ATXN10: variants seen among roughly 807,000 people sequenced by gnomAD.
ATXN10 encodes the protein ataxin-10.
A neutral mutation model predicts 52.9 loss-of-function variants in ATXN10; 28 were observed. The observed-to-expected ratio is 0.53, with a 90% CI of 0.39 to 0.73. The LOEUF (loss-of-function observed/expected upper bound fraction) is 0.73, where lower values mean the gene tolerates loss of function less well. Ranked by LOEUF, ATXN10 falls within the 30% of genes least tolerant of loss-of-function variation. The pLI is 0.00. For missense variants in ATXN10, 565 were observed against 577.0 expected (o/e 0.98, Z 0.21); for synonymous variants, 226 against 221.5 (o/e 1.02, Z -0.18).
At chr22:45,807,986 G>A (rs1369763563) in intron 10 of ATXN10, among the ~76,000 whole-genome samples, 1 of 152,224 alleles carries the variant, frequency 6.6e-6, no homozygotes, top group African/African-American at 2.4e-5. Flanking sequence ...AGTAGACTGA[G>A]CGATGCTTAT....
chr22:45,833,630 A>G lies in ATXN10; in HGVS notation c.1238-9361A>G, dbSNP rs1011236907. 1.3e-5 allele frequency among the ~76,000 whole-genome samples: 2 copies of G among 152,190 alleles called. No individual in the cohort carries two copies. The highest frequency in any genetic ancestry group is 1.5e-5 in the Non-Finnish European group (1 of 68,028). ...AATTGTTAGCTTATTAGCTAGTTCT[A>G]AAGGTATTTTGCAGAGATAGTTACT... On this transcript the variant is annotated intron_variant, in intron 10 of 11. Transcript: ENST00000252934. This position sits in a 1 kb window ranked among gnomAD's most constrained non-coding sequence, Gnocchi z 4.3.
intron 9 of ATXN10, among the ~76,000 whole-genome samples, chr22:45,778,858 T>G (rs1927049510): frequency 6.6e-6 from 1 of 152,126 alleles, no homozygotes; most frequent in South Asian, 2.1e-4. Flanking sequence ...ATTTTGATAA[T>G]TAATTAATTT....
At chr22:45,676,380 C>T (rs1601582956) in intron 1 of ATXN10, 1 of 152,008 alleles carries the variant, frequency 6.6e-6, no homozygotes, top group Non-Finnish European at 1.5e-5. Flanking sequence ...TCCATCTGTG[C>T]TGTTCATTAA....
intron 3 of ATXN10, among the ~76,000 whole-genome samples, chr22:45,693,939 A>G (rs1025933984): frequency 2.0e-5 from 3 of 152,224 alleles, no homozygotes; most frequent in East Asian, 1.9e-4. Context: ...TGTTTAAGCC[A>G]TTCAGTCTGT....
At chr22:45,832,566 G>A (rs1272006124) in intron 10 of ATXN10, among the ~76,000 whole-genome samples, 1 of 152,298 alleles carries the variant, frequency 6.6e-6, no homozygotes, top group Non-Finnish European at 1.5e-5. Flanking sequence ...GAATGTAAAC[G>A]CCCCAAGGGC....
At chr22:45,725,862 T>C (rs1302297562) in intron 6 of ATXN10, among the ~76,000 whole-genome samples, 1 of 152,134 alleles carries the variant, frequency 6.6e-6, no homozygotes, top group East Asian at 1.9e-4. Context: ...ATTTTTATCA[T>C]AAAGGGATGC....
In ATXN10 at chr22:45,677,681, A is replaced by G. The variant is rs1486163826; in HGVS notation, c.116+5502A>G. ...TGGGCAAAATCTGTGCTTTACAAAGAAAAATAAAGGCCAATAAGCGTATGA... is the reference window on the plus strand; with the variant it reads ...TGGGCAAAATCTGTGCTTTACAAAGGAAAATAAAGGCCAATAAGCGTATGA... On this transcript the variant is annotated intron_variant, in intron 1 of 11. Coordinates refer to ENST00000252934, the MANE Select transcript of ATXN10 (RefSeq NM_013236.4). The surrounding 1 kb of genome is among the most constrained non-coding windows in gnomAD (Gnocchi z 4.1). 6.6e-6 allele frequency: 1 copy of G among 152,238 alleles called. No individual in the cohort carries two copies. Among genetic ancestry groups the G allele is most frequent in the East Asian group, 1.9e-4 (1 of 5,206 alleles). 9.4% of individuals were successfully genotyped at this position (152,238 alleles called of 1,614,324 possible).
Position 45,732,552 on chromosome 22 carries a change from G to A in ATXN10, c.894+2962G>A, listed in dbSNP as rs953179655. ...TGAGCTATACATTTATGACTTGTGC[G>A]TATTAATGCACATATGTCATACTTT... On this transcript the variant is annotated intron_variant, in intron 7 of 11. Transcript: ENST00000252934. The surrounding 1 kb of genome is among the most constrained non-coding windows in gnomAD (Gnocchi z 4.5). 2.6e-5 allele frequency among the ~76,000 whole-genome samples: 4 copies of A among 151,550 alleles called. No individual in the cohort carries two copies. Among genetic ancestry groups the A allele is most frequent in the African/African-American group, 7.3e-5 (3 of 41,246 alleles).
At position 45,701,051 on chromosome 22, in the gene ATXN10, C is replaced by T. The variant is rs1418091426; in HGVS notation, c.488+673C>T. ...TGAGCAGGGAATAGAGTCAGTATAC[C>T]TAGTAGGAAAGGCACAGTCTGGGAG... On this transcript the variant is annotated intron_variant, in intron 4 of 11. Coordinates refer to ENST00000252934, the MANE Select transcript of ATXN10 (RefSeq NM_013236.4). The surrounding 1 kb of genome is among the most constrained non-coding windows in gnomAD (Gnocchi z 4.2). 6.6e-6 allele frequency among the ~76,000 whole-genome samples: 1 copy of T among 152,056 alleles called. No homozygotes were observed. Among genetic ancestry groups the T allele is most frequent in the Admixed American group, 6.6e-5 (1 of 15,266 alleles).
rs1454121522 is a variant in ATXN10 at position 45,712,681 on chromosome 22, C to T, written c.648-5732C>T. Among the ~76,000 whole-genome samples, 3 of 152,154 alleles carry T rather than the reference C, an allele frequency of 2.0e-5. No homozygotes were observed. The highest frequency in any genetic ancestry group is 4.4e-5 in the Non-Finnish European group (3 of 68,034). On this transcript the variant is annotated intron_variant, in intron 5 of 11. Coordinates refer to ENST00000252934, the MANE Select transcript of ATXN10 (RefSeq NM_013236.4). This position sits in a 1 kb window ranked among gnomAD's most constrained non-coding sequence, Gnocchi z 4.6. Reference sequence around the variant, plus strand: ...CCTGGCACATGTAGATTCAGGAAATCTATTTATATATTTTTCAGATTATAA... The same window carrying T: ...CCTGGCACATGTAGATTCAGGAAATTTATTTATATATTTTTCAGATTATAA...
Position 45,684,873 on chromosome 22 carries a change from A to G in ATXN10, c.117-4839A>G, listed in dbSNP as rs776811578. Among the ~76,000 whole-genome samples the G allele has an allele frequency of 6.6e-6, 1 of 152,174 alleles. No homozygotes were observed. Among genetic ancestry groups the G allele is most frequent in the African/African-American group, 2.4e-5 (1 of 41,436 alleles). On this transcript the variant is annotated intron_variant, in intron 1 of 11. Transcript: ENST00000252934. This position sits in a 1 kb window ranked among gnomAD's most constrained non-coding sequence, Gnocchi z 4.1. ...TGTTTTTATTTTCTGTTTTTGTTCAATCCTGCCCAGTCAAATCAGCAAGAT... is the reference window on the plus strand; with the variant it reads ...TGTTTTTATTTTCTGTTTTTGTTCAGTCCTGCCCAGTCAAATCAGCAAGAT...
At position 45,781,901 on chromosome 22, in the gene ATXN10, G is replaced by A. The variant is rs1239601603; in HGVS notation, c.1174-25058G>A. Among the ~76,000 whole-genome samples the A allele has an allele frequency of 1.3e-5, 2 of 152,140 alleles. No homozygotes were observed. Among genetic ancestry groups the A allele is most frequent in the East Asian group, 3.8e-4 (2 of 5,198 alleles). ...AAAAAAATCAGTGAACTGGAGGATG[G>A]AATAAAAATTATCCAGTCTGAACAA... is the stretch of plus-strand genomic sequence containing the variant. On this transcript the variant is annotated intron_variant, in intron 9 of 11. Transcript: ENST00000252934. This position sits in a 1 kb window ranked among gnomAD's most constrained non-coding sequence, Gnocchi z 4.2.
chr22:45,749,532 A>C (rs1925865543), intron 9 of ATXN10, among the ~76,000 whole-genome samples: 1 of 152,100 alleles, frequency 6.6e-6, no homozygotes, highest in Admixed American at 6.6e-5. Context: ...CTAGTGTTTT[A>C]GTAAATGTAG....
intron 5 of ATXN10, among the ~76,000 whole-genome samples, chr22:45,709,990 G>A (rs1924184061): frequency 6.6e-6 from 1 of 152,118 alleles, no homozygotes. Flanking sequence ...TGCCTCCTCT[G>A]CCATAGACAT....
At chr22:45,740,570 G>A in intron 9 of ATXN10, 32 bp downstream of exon 9, 2 of 1,599,444 alleles carry the variant, frequency 1.3e-6, no homozygotes, top group South Asian at 1.1e-5. Flanking sequence ...TATTATACAT[G>A]TATGGCTTCA....
At chr22:45,756,951 C>T (rs1319601922) in intron 9 of ATXN10, among the ~76,000 whole-genome samples, 1 of 152,174 alleles carries the variant, frequency 6.6e-6, no homozygotes, top group Non-Finnish European at 1.5e-5. Context: ...GAGTTGATTT[C>T]TCATCGTGTG....
At chr22:45,714,546 GATTA>G (rs1924374512) in intron 5 of ATXN10, among the ~76,000 whole-genome samples, 1 of 151,740 alleles carries the variant, frequency 6.6e-6, no homozygotes, top group African/African-American at 2.4e-5. Flanking sequence ...GCACCTGGCT[GATTA>G]ATTTTTTATT....
rs1217022728 is a variant in ATXN10, at chr22:45,763,403, G to A, written c.1173+22865G>A. ...CCTTTGAGTTCAAGCTGAGGCCTTT[G>A]GACTTGGCCCCTCGCTCGCTTTGCC... is the stretch of plus-strand genomic sequence containing the variant. On this transcript the variant is annotated intron_variant, in intron 9 of 11. Coordinates refer to ENST00000252934, the MANE Select transcript of ATXN10 (RefSeq NM_013236.4). The surrounding 1 kb of genome is among the most constrained non-coding windows in gnomAD (Gnocchi z 6.9). Among the ~76,000 whole-genome samples, 2 of 152,204 alleles carry A rather than the reference G, an allele frequency of 1.3e-5. No individual in the cohort carries two copies. Among genetic ancestry groups the A allele is most frequent in the African/African-American group, 4.8e-5 (2 of 41,440 alleles).
intron 10 of ATXN10, among the ~76,000 whole-genome samples, chr22:45,836,094 AT>A (rs1929157471): frequency 6.6e-6 from 1 of 152,182 alleles, no homozygotes; most frequent in Non-Finnish European, 1.5e-5. Flanking sequence ...GGGAGCCAAA[AT>A]GGGTGGTTTG....
Sources: gnomAD v4.1 joint callset for allele counts (sites outside exome capture counted in the v4.1 genomes callset) on GRCh38, gnomAD v4.1.1 for gene constraint, Gnocchi (gnomAD v3.1) non-coding constraint, MANE v1.5 for transcripts, NCBI Gene and HGNC (gene_info 2026-07-23, HGNC 2026-07-21) for gene names.